Variants in RNF180 observed in about 807,000 individuals in gnomAD.
RNF180 encodes the protein E3 ubiquitin-protein ligase RNF180.
RNF180 carries 38 observed loss-of-function variants against 59.2 expected under a neutral mutation model. The observed-to-expected ratio is 0.64, with a 90% CI of 0.50 to 0.84. The LOEUF (loss-of-function observed/expected upper bound fraction) is 0.84, where lower values mean the gene tolerates loss of function less well. RNF180 is among the 40% of genes least tolerant of loss of function. The probability of loss-of-function intolerance (pLI) is 0.00; values close to 1 mark genes in which losing one functional copy is unlikely to be tolerated. For synonymous variants in RNF180, 262 were observed against 240.3 expected, an observed-to-expected ratio of 1.09 and a Z score of -0.84; for missense variants, 705 against 700.9, an observed-to-expected ratio of 1.01 and a Z score of -0.07.
intron 5 of RNF180, among the ~76,000 whole-genome samples, chr5:64,219,985 G>A (rs957736907): frequency 1.3e-5 from 2 of 152,038 alleles, no homozygotes; most frequent in African/African-American, 4.8e-5. Context: ...TGTTGTTTTT[G>A]AAGAATTATC....
At chr5:64,334,677 T>C (rs1428849066) in intron 7 of RNF180, among the ~76,000 whole-genome samples, 2 of 152,162 alleles carry the variant, frequency 1.3e-5, no homozygotes, top group Non-Finnish European at 2.9e-5. Context: ...TAGCAATGTA[T>C]ATATTCTGCT....
intron 5 of RNF180, among the ~76,000 whole-genome samples, chr5:64,222,785 C>A (rs1452392767): frequency 6.6e-6 from 1 of 152,162 alleles, no homozygotes; most frequent in Non-Finnish European, 1.5e-5. Flanking sequence ...CAAGGGCCAG[C>A]CTTGTAAATG....
chr5:64,320,070 G>C (rs1332659054), intron 5 of RNF180, among the ~76,000 whole-genome samples: 12 of 152,292 alleles, frequency 7.9e-5, no homozygotes, highest in Non-Finnish European at 1.5e-5. Flanking sequence ...CCCCATCCCA[G>C]ATCTACTGAA....
intron 5 of RNF180, among the ~76,000 whole-genome samples, chr5:64,299,257 T>G (rs1743044099): frequency 6.6e-6 from 1 of 151,934 alleles, no homozygotes; most frequent in Non-Finnish European, 1.5e-5. Context: ...TATAAGCCAT[T>G]CAATTTATGG....
At chr5:64,207,574 G>C (rs190229489) in intron 2 of RNF180, among the ~76,000 whole-genome samples, 1 of 152,252 alleles carries the variant, frequency 6.6e-6, no homozygotes, top group East Asian at 1.9e-4. Flanking sequence ...GCAAGTCAGT[G>C]GGAGGAAGTA....
chr5:64,306,521 T>A (rs1221868944), intron 5 of RNF180, among the ~76,000 whole-genome samples: 1 of 151,704 alleles, frequency 6.6e-6, no homozygotes, highest in East Asian at 1.9e-4. Flanking sequence ...ATGTACTTTT[T>A]AGTTTCCTCT....
intron 1 of RNF180, among the ~76,000 whole-genome samples, chr5:64,177,313 T>C (rs2111914967): frequency 6.6e-6 from 1 of 152,144 alleles, no homozygotes; most frequent in Non-Finnish European, 1.5e-5. Context: ...TCTACTTGGC[T>C]GATGCTATTT....
chr5:64,173,905 A>G (rs1199846873), intron 1 of RNF180, among the ~76,000 whole-genome samples: 1 of 152,012 alleles, frequency 6.6e-6, no homozygotes, highest in East Asian at 1.9e-4. Flanking sequence ...TAGTAGAGAC[A>G]GGGTTTCACC....
At chr5:64,173,827 T>C (rs947296993) in intron 1 of RNF180, among the ~76,000 whole-genome samples, 3 of 151,940 alleles carry the variant, frequency 2.0e-5, no homozygotes, top group African/African-American at 7.3e-5. Flanking sequence ...GTGATTCTCC[T>C]GCCTCAGCCT....
chr5:64,200,860 G>A lies in RNF180; in HGVS notation c.53G>A (p.Ser18Asn). ...AAAAATCATAGTCAAGAGGAAACAA[G>A]TATTCTTCGTTGTTGGAAATGTAGA... Reference protein sequence around the residue: ...ITKNHSQEETSILRCWKCRKC... With the variant: ...ITKNHSQEETNILRCWKCRKC... The change falls in exon 2 of 8, where the codon AGT becomes AAT. Residue 18 changes from serine (S) to asparagine (N), a missense_variant. Transcript: ENST00000389100. 2 of 1,611,086 alleles carry A rather than the reference G, an allele frequency of 1.2e-6. No individual in the cohort carries two copies. Among genetic ancestry groups the A allele is most frequent in the Non-Finnish European group, 1.7e-6 (2 of 1,177,306 alleles).
chr5:64,224,062 GGTGTGTGTGT>G (rs10694125), intron 5 of RNF180, among the ~76,000 whole-genome samples: 60 of 141,458 alleles, frequency 4.2e-4, no homozygotes, highest in African/African-American at 1.0e-3. Flanking sequence ...TCTAGGTTGG[GGTGTGTGTGT>G]GTGTGTGTGT....
chr5:64,205,837 A>G (rs772002203), intron 2 of RNF180, among the ~76,000 whole-genome samples: 5 of 152,166 alleles, frequency 3.3e-5, no homozygotes, highest in Non-Finnish European at 5.9e-5. Context: ...AGGAGAGAGC[A>G]GTAGTTACTA....
intron 7 of RNF180, among the ~76,000 whole-genome samples, chr5:64,355,599 A>G (rs1338186367): frequency 6.6e-6 from 1 of 151,824 alleles, no homozygotes; most frequent in African/African-American, 2.4e-5. Flanking sequence ...GTCTTGCATA[A>G]CCAAAAAAAA....
At chr5:64,200,099 T>C (rs1248098700) in intron 1 of RNF180, among the ~76,000 whole-genome samples, 1 of 152,138 alleles carries the variant, frequency 6.6e-6, no homozygotes, top group Non-Finnish European at 1.5e-5. Context: ...CAAAACATGC[T>C]ACTTATAAGA....
At chr5:64,167,071 G>A (rs770875791) in intron 1 of RNF180, among the ~76,000 whole-genome samples, 3 of 152,134 alleles carry the variant, frequency 2.0e-5, no homozygotes, top group Non-Finnish European at 4.4e-5. Context: ...GTAAAATTCC[G>A]TTGTCTTTTA....
In RNF180 at chr5:64,241,798, C is replaced by T. The variant is rs192125837; in HGVS notation, c.1227+24402C>T. Among the ~76,000 whole-genome samples the T allele has an allele frequency of 3.9e-5, 6 of 152,178 alleles. No individual in the cohort carries two copies. In the East Asian group the frequency reaches 7.7e-4, roughly 20 times the overall value. ...TTTTTCATTACCCACATTACTCCTC[C>T]GCAAACCCTAGGCAGCACAACACAG... On this transcript the variant is annotated intron_variant, in intron 5 of 7. Transcript: ENST00000389100.
chr5:64,230,797 C>A (rs1742054330), intron 5 of RNF180, among the ~76,000 whole-genome samples: 1 of 152,194 alleles, frequency 6.6e-6, no homozygotes, highest in African/African-American at 2.4e-5. Context: ...CAGGTCTTGA[C>A]AGCTTCTAGA....
chr5:64,325,769 T>C (rs911927133), intron 6 of RNF180, among the ~76,000 whole-genome samples: 1 of 152,200 alleles, frequency 6.6e-6, no homozygotes. Flanking sequence ...GTTATTTCCT[T>C]TGGAGTCACA....
rs78379262 is a variant in RNF180 at position 64,171,079 on chromosome 5, A to C, written c.-1+5126A>C. ...TAGAGTAACAAGCAGTAATTTCATA[A>C]GAAGTTAACTTGTGTTTTCCAGCAC... On this transcript the variant is annotated intron_variant, in intron 1 of 7. Coordinates refer to ENST00000389100, the MANE Select transcript of RNF180 (RefSeq NM_001113561.2). 7.1e-3 allele frequency among the ~76,000 whole-genome samples: 1,079 copies of C among 152,328 alleles called. 9 individuals carry two copies. The highest frequency in any genetic ancestry group is 0.012 in the Non-Finnish European group (817 of 68,024).
Sources: gnomAD v4.1 joint callset for allele counts (sites outside exome capture counted in the v4.1 genomes callset) on GRCh38, gnomAD v4.1.1 for gene constraint, MANE v1.5 for transcripts, NCBI Gene and HGNC (gene_info 2026-07-23, HGNC 2026-07-21) for gene names.